TRIM25: variants seen among roughly 807,000 people sequenced by gnomAD.
The protein encoded by TRIM25 is tripartite motif containing 25.
Under a neutral mutation model 65.2 loss-of-function variants are expected in TRIM25, and 45 were observed. That is an observed-to-expected ratio of 0.69 (90% CI 0.54 to 0.89). The LOEUF is 0.89. Among genes scored for constraint, TRIM25 ranks in the 40% least tolerant of loss-of-function variants. The pLI is 0.00. For missense variants in TRIM25, 714 were observed against 803.7 expected, an observed-to-expected ratio of 0.89 and a Z score of 1.35; for synonymous variants, 321 against 340.4, an observed-to-expected ratio of 0.94 and a Z score of 0.63.
chr17:56,901,873 G>A lies in TRIM25; in HGVS notation c.928-295C>T, dbSNP rs138212876. ...GACACAGCTGGGACTGAGATCTTCC[G>A]ATCCCCCAGGACAATGTTCTTTCCA... On this transcript the variant is annotated intron_variant, in intron 3 of 8. Coordinates refer to ENST00000316881, the MANE Select transcript of TRIM25 (RefSeq NM_005082.5). Among the ~76,000 whole-genome samples the A allele has an allele frequency of 7.9e-4, 121 of 152,230 alleles. 2 individuals carry two copies. Among genetic ancestry groups the A allele is most frequent in the African/African-American group, 2.5e-3 (104 of 41,524 alleles).
rs888056458 is a variant in TRIM25, at chr17:56,902,747, C to T, written c.928-1169G>A. Among the ~76,000 whole-genome samples, 22 of 152,290 alleles carry T rather than the reference C, an allele frequency of 1.4e-4. No homozygotes were observed. In the East Asian group the frequency reaches 4.2e-3, roughly 29 times the overall value. ...CATGCTTTAGACAGATACTTTGATA[C>T]AGTCTGGATGTTTGTCCCCTCCAAA... On this transcript the variant is annotated intron_variant, in intron 3 of 8. Transcript: ENST00000316881.
intron 8 of TRIM25, 122 bp from the exon 9 acceptor site, chr17:56,892,351 G>T: frequency 9.2e-7 from 1 of 1,089,118 alleles, no homozygotes; most frequent in East Asian, 2.5e-5. Flanking sequence ...CTACCCATTG[G>T]TCCATCCATC....
intron 8 of TRIM25, 59 bp from the exon 9 acceptor site, chr17:56,892,288 CT>C: frequency 6.6e-7 from 1 of 1,518,170 alleles, no homozygotes. Flanking sequence ...TCTTTTAGAC[CT>C]TTGCCAAAGT....
At chr17:56,898,263 T>C (rs1167510491) in intron 5 of TRIM25, among the ~76,000 whole-genome samples, 1 of 151,864 alleles carries the variant, frequency 6.6e-6, no homozygotes, top group Non-Finnish European at 1.5e-5. Context: ...ATGTCAGCAG[T>C]ATATGAACAT....
rs188481458 is a variant in TRIM25 at position 56,911,931 on chromosome 17, C to A, written c.597+1461G>T. On this transcript the variant is annotated intron_variant, in intron 1 of 8. Coordinates refer to ENST00000316881, the MANE Select transcript of TRIM25 (RefSeq NM_005082.5). ...AAAAAGCCAAGTTTAGAGCCAGGCA[C>A]GGTGGCACACCTGTAGTCCCAGCTA... Among the ~76,000 whole-genome samples the A allele has an allele frequency of 3.4e-5, 5 of 147,608 alleles. No individual in the cohort carries two copies. In the East Asian group the frequency reaches 8.2e-4, roughly 24 times the overall value.
Position 56,889,598 on chromosome 17 carries a change from G to A in TRIM25, c.*2102C>T. On this transcript the variant is annotated 3_prime_UTR_variant, in exon 9 of 9. Coordinates refer to ENST00000316881, the MANE Select transcript of TRIM25 (RefSeq NM_005082.5). ...AGAGCTTGGCTTTGGTTACCTACTT[G>A]ACTCTCTTTTAAACAGAGGGTCTTA... The A allele has an allele frequency of 2.5e-6, 1 of 396,032 alleles. No individual in the cohort carries two copies. The highest frequency in any genetic ancestry group is 4.4e-6 in the Non-Finnish European group (1 of 225,048). The allele number at this position is 396,032 out of a possible 1,614,324, so 24.5% of individuals were successfully genotyped here.
rs1909181987 is a variant in TRIM25 at position 56,891,952 on chromosome 17, G to A, written c.1641C>T (p.Ala547=). 1 of 1,614,098 alleles carries A rather than the reference G, an allele frequency of 6.2e-7. No homozygotes were observed. Among genetic ancestry groups the A allele is most frequent in the Non-Finnish European group, 8.5e-7 (1 of 1,180,050 alleles). The change falls in exon 9 of 9, where the codon GCC becomes GCT. Residue 547 remains alanine (A), a synonymous_variant. Transcript: ENST00000316881. The part of the protein sequence containing the change: ...GPESRLGRNS[A]SWCVEWFNTK... ...TGTTGAACCACTCCACGCACCAGGA[G>A]GCGCTGTTGCGGCCGAGCCTGCTTT... is the stretch of plus-strand genomic sequence containing the variant.
intron 3 of TRIM25, 136 bp from the exon 4 acceptor site, chr17:56,901,714 G>A (rs1259030044): frequency 1.5e-5 from 16 of 1,101,640 alleles, no homozygotes; most frequent in Non-Finnish European, 2.1e-5. Flanking sequence ...TTACAGGCCA[G>A]AGGTCACCAG....
At chr17:56,900,213 CA>C (rs35522005) in intron 4 of TRIM25, among the ~76,000 whole-genome samples, 17,954 of 145,362 alleles carry the variant, frequency 0.12, 1,226 homozygotes, top group Admixed American at 0.17. Context: ...GACTCCGTCT[CA>C]AAAAAAAAAA....
rs1218980036 is a variant in TRIM25 at position 56,888,675 on chromosome 17, G to A, written c.*3025C>T. 6.6e-6 allele frequency: 1 copy of A among 152,170 alleles called. No homozygotes were observed. Among genetic ancestry groups the A allele is most frequent in the African/African-American group, 2.4e-5 (1 of 41,434 alleles). 9.4% of individuals were successfully genotyped at this position (152,170 alleles called of 1,614,324 possible). On this transcript the variant is annotated 3_prime_UTR_variant, in exon 9 of 9. Coordinates refer to ENST00000316881, the MANE Select transcript of TRIM25 (RefSeq NM_005082.5). ...GCCCCCACAGTTAGACTGTCCCGCA[G>A]CAAAGCCCAGACAGACATCCTATCG... is the stretch of plus-strand genomic sequence containing the variant.
chr17:56,898,988 C>T, intron 5 of TRIM25, 127 bp downstream of exon 5: 1 of 1,087,682 alleles, frequency 9.2e-7, no homozygotes, highest in East Asian at 2.4e-5. Context: ...TGGGGACTGC[C>T]ACCAACTTCT....
intron 5 of TRIM25, among the ~76,000 whole-genome samples, chr17:56,896,255 C>T (rs1353357518): frequency 6.6e-6 from 1 of 151,186 alleles, no homozygotes; most frequent in Non-Finnish European, 1.5e-5. Context: ...TCTAACTGCA[C>T]ATTTAAGATT....
chr17:56,889,762 A>G lies in TRIM25; in HGVS notation c.*1938T>C. The G allele has an allele frequency of 2.5e-6, 1 of 398,646 alleles. No individual in the cohort carries two copies. Among genetic ancestry groups the G allele is most frequent in the Non-Finnish European group, 4.4e-6 (1 of 226,078 alleles). The allele number at this position is 398,646 out of a possible 1,614,324, so 24.7% of individuals were successfully genotyped here. On this transcript the variant is annotated 3_prime_UTR_variant, in exon 9 of 9. Coordinates refer to ENST00000316881, the MANE Select transcript of TRIM25 (RefSeq NM_005082.5). ...CTCCAAGCCCAGCTGTTTCCCAAGT[A>G]TTAATTGGTTTCAGACAAGGCTTTC...
chr17:56,892,197 C>T lies in TRIM25; in HGVS notation c.1396G>A (p.Ala466Thr), dbSNP rs141649169. ...YIKVILDYNT[A>T]HNKVALSECY... ...TCTGACAGAGCCACTTTGTTGTGGG[C>T]GGTGTTGTAGTCCAGGATGACTTTA... Residue 466 changes from alanine to threonine, a missense_variant, in exon 9 of 9, where the codon GCC (alanine) becomes ACC (threonine). Ala to Thr is a moderately conservative substitution (Grantham distance 58, BLOSUM62 0). Transcript: ENST00000316881. 25 of 1,607,996 alleles carry T rather than the reference C, an allele frequency of 1.6e-5. No homozygotes were observed. The highest frequency in any genetic ancestry group is 5.3e-5 in the African/African-American group (4 of 74,938).
At chr17:56,902,305 G>C (rs978880439) in intron 3 of TRIM25, among the ~76,000 whole-genome samples, 1 of 152,160 alleles carries the variant, frequency 6.6e-6, no homozygotes, top group Non-Finnish European at 1.5e-5. Context: ...ATAGCTGCAG[G>C]TCACTCAATC....
intron 4 of TRIM25, among the ~76,000 whole-genome samples, chr17:56,899,864 G>C (rs1370135687): frequency 6.6e-6 from 1 of 152,226 alleles, no homozygotes; most frequent in Non-Finnish European, 1.5e-5. Flanking sequence ...AGCATCACTT[G>C]AAGCCAGGAG....
rs544723949 is a variant in TRIM25 at position 56,900,207 on chromosome 17, C to A, written c.1088-1027G>T. On this transcript the variant is annotated intron_variant, in intron 4 of 8. Transcript: ENST00000316881. Reference sequence around the variant, plus strand: ...CCAGCCTGGGTGACAGAGCGAGACTCCGTCTCAAAAAAAAAAAAATTTTTT... The same window carrying A: ...CCAGCCTGGGTGACAGAGCGAGACTACGTCTCAAAAAAAAAAAAATTTTTT... 2.7e-5 allele frequency among the ~76,000 whole-genome samples: 4 copies of A among 146,846 alleles called. No individual in the cohort carries two copies. The South Asian group carries it at 8.7e-4, about 32-fold the overall frequency.
Position 56,891,582 on chromosome 17 carries a change from C to A in TRIM25, c.*118G>T, listed in dbSNP as rs1909171327. On this transcript the variant is annotated 3_prime_UTR_variant, in exon 9 of 9. Coordinates refer to ENST00000316881, the MANE Select transcript of TRIM25 (RefSeq NM_005082.5). ...TCCCACCCTCCCGCCAGCTCCCCTC[C>A]CATGCTCCCAATCCTTGGGACCTCT... 3.5e-6 allele frequency: 4 copies of A among 1,146,876 alleles called. No individual in the cohort carries two copies. The highest frequency in any genetic ancestry group is 4.9e-6 in the Non-Finnish European group (4 of 823,092). 71.0% of individuals were successfully genotyped at this position (1,146,876 alleles called of 1,614,324 possible). A position where few individuals can be genotyped will look rare whatever the true frequency, so the allele number is the denominator to read the frequency against.
rs761913697 is a variant in TRIM25, at chr17:56,891,713, C to T, written c.1880G>A (p.Cys627Tyr). ...VFSAGATLSICSPK is the reference protein window; with the variant it reads ...VFSAGATLSIYSPK ...CCTACAGCCTGCCTACTTGGGGGAG[C>T]AGATGGAGAGTGTGGCACCAGCAGA... is the stretch of plus-strand genomic sequence containing the variant. Residue 627 changes from cysteine (C) to tyrosine (Y), a missense_variant, in exon 9 of 9, where the codon TGC becomes TAC. Coordinates refer to ENST00000316881, the MANE Select transcript of TRIM25 (RefSeq NM_005082.5). 1 of 1,612,092 alleles carries T rather than the reference C, an allele frequency of 6.2e-7. No individual in the cohort carries two copies. Among genetic ancestry groups the T allele is most frequent in the Non-Finnish European group, 8.5e-7 (1 of 1,178,604 alleles).
Sources: allele counts gnomAD v4.1 joint callset (sites outside exome capture counted in the v4.1 genomes callset), GRCh38; gene constraint gnomAD v4.1.1; transcripts MANE v1.5; gene names NCBI Gene and HGNC (gene_info 2026-07-23, HGNC 2026-07-21).